Variants in PCDHA5 observed in about 807,000 individuals in gnomAD.
PCDHA5 encodes the protein protocadherin alpha-5.
In PCDHA5, 43 loss-of-function variants were observed where a neutral mutation model predicts 61.6. The observed-to-expected ratio is 0.70, with a 90% CI of 0.55 to 0.90. The LOEUF (loss-of-function observed/expected upper bound fraction) is 0.90, where lower values mean the gene tolerates loss of function less well. Among genes scored for constraint, PCDHA5 ranks in the 40% least tolerant of loss-of-function variants. The pLI, the probability that PCDHA5 is intolerant of heterozygous loss-of-function variation, is 0.00. For missense variants in PCDHA5, 1,298 were observed against 1,222.7 expected, an observed-to-expected ratio of 1.06 and a Z score of -0.92; for synonymous variants, 627 against 543.9, an observed-to-expected ratio of 1.15 and a Z score of -2.13.
At position 140,823,985 on chromosome 5, in the gene PCDHA5, C is replaced by T; in HGVS notation, c.2210C>T (p.Thr737Ile). The T allele has an allele frequency of 6.2e-7, 1 of 1,614,170 alleles. No individual in the cohort carries two copies. Among genetic ancestry groups the T allele is most frequent in the Non-Finnish European group, 8.5e-7 (1 of 1,180,006 alleles). The change falls in exon 1 of 4, where the codon ACT becomes ATT. Residue 737 changes from threonine to isoleucine, a missense_variant. Transcript: ENST00000529859. ...GCCGTGTGCACACGGGGCAAGCCCA[C>T]TCTGTTGTGCTCCAGCGCGGTGGGG... ...TEAVCTRGKPTLLCSSAVGSW... is the reference protein window; with the variant it reads ...TEAVCTRGKPILLCSSAVGSW...
At chr5:140,860,434 C>A (rs1562553401) in intron 1 of PCDHA5, 1 of 152,038 alleles carries the variant, frequency 6.6e-6, no homozygotes, top group Non-Finnish European at 1.5e-5. Context: ...CAAATATGAT[C>A]TTTTTCATAT....
intron 3 of PCDHA5, among the ~76,000 whole-genome samples, chr5:141,001,711 A>G (rs1167965864): frequency 1.3e-5 from 2 of 152,222 alleles, no homozygotes; most frequent in South Asian, 2.1e-4. Context: ...GGGGGCGGGG[A>G]AGGAGCTTGA....
At chr5:140,884,385 C>A (rs1554181508) in intron 1 of PCDHA5, 1 of 1,613,992 alleles carries the variant, frequency 6.2e-7, no homozygotes, top group Non-Finnish European at 8.5e-7. Context: ...GCCATCTGCG[C>A]GGTGTCCAGC....
intron 1 of PCDHA5, among the ~76,000 whole-genome samples, chr5:140,937,688 G>A (rs112584533): frequency 0.018 from 2,711 of 151,860 alleles, 77 homozygotes; most frequent in African/African-American, 0.063. Context: ...TGAGGCAGGC[G>A]GATCACGAGG....
intron 3 of PCDHA5, among the ~76,000 whole-genome samples, chr5:140,991,246 AT>A (rs1239917412): frequency 6.6e-6 from 1 of 152,206 alleles, no homozygotes; most frequent in African/African-American, 2.4e-5. Context: ...TAAAGGCAGT[AT>A]TTGAACTCAT....
In PCDHA5 at chr5:140,857,966, G is replaced by C. The variant is rs1212933789; in HGVS notation, c.2352+33839G>C. 1.9e-6 allele frequency: 3 copies of C among 1,596,950 alleles called. No individual in the cohort carries two copies. The highest frequency in any genetic ancestry group is 1.1e-5 in the South Asian group (1 of 90,498). ...TACGACGCGCGCTCTGGATGAGACT[G>C]ACTCGCCACGCCAGCGCCTACTGGT... is the stretch of plus-strand genomic sequence containing the variant. On this transcript the variant is annotated intron_variant, in intron 1 of 3. Transcript: ENST00000529859.
chr5:140,850,297 C>G, intron 1 of PCDHA5: 2 of 1,596,438 alleles, frequency 1.3e-6, no homozygotes, highest in Non-Finnish European at 1.7e-6. Flanking sequence ...GACGCCGACT[C>G]GGGCTACAAC....
Position 140,822,125 on chromosome 5 carries a change from A to T in PCDHA5, c.350A>T (p.His117Leu). ...VIVDRPLQVF[H>L]VEVAVKDIND... ...GTGGACAGGCCGCTGCAGGTTTTCCATGTGGAGGTGGCAGTGAAGGACATC... is the reference window on the plus strand; with the variant it reads ...GTGGACAGGCCGCTGCAGGTTTTCCTTGTGGAGGTGGCAGTGAAGGACATC... Residue 117 changes from histidine to leucine, a missense_variant, in exon 1 of 4, where the codon CAT (histidine) becomes CTT (leucine). His to Leu is a moderately conservative substitution (Grantham distance 99). Transcript: ENST00000529859. 1 of 1,614,236 alleles carries T rather than the reference A, an allele frequency of 6.2e-7. No homozygotes were observed. The highest frequency in any genetic ancestry group is 8.5e-7 in the Non-Finnish European group (1 of 1,180,038).
At chr5:140,855,165 T>C (rs1172731300) in intron 1 of PCDHA5, among the ~76,000 whole-genome samples, 1 of 149,930 alleles carries the variant, frequency 6.7e-6, no homozygotes, top group Non-Finnish European at 1.5e-5. Context: ...TTGAGCCTCA[T>C]GAAAACAAAT....
chr5:140,831,953 T>G (rs1771773742), intron 1 of PCDHA5, among the ~76,000 whole-genome samples: 3 of 152,194 alleles, frequency 2.0e-5, no homozygotes, highest in Admixed American at 2.0e-4. Context: ...AAAGAAAAAC[T>G]TTATGTCATT....
At chr5:140,910,479 A>G (rs2075041093) in intron 1 of PCDHA5, among the ~76,000 whole-genome samples, 1 of 152,212 alleles carries the variant, frequency 6.6e-6, no homozygotes. Context: ...AAAATCTGGC[A>G]TACAGAGAAG....
At chr5:140,889,910 T>C (rs1554184095) in intron 1 of PCDHA5, among the ~76,000 whole-genome samples, 1 of 152,156 alleles carries the variant, frequency 6.6e-6, no homozygotes, top group East Asian at 1.9e-4. Flanking sequence ...GAGATTGTCA[T>C]ACTGTAAAGA....
chr5:140,869,903 C>G, intron 1 of PCDHA5: 1 of 1,610,648 alleles, frequency 6.2e-7, no homozygotes. Flanking sequence ...CTAAACGCCA[C>G]AGACCGAGAC....
intron 1 of PCDHA5, chr5:140,853,722 A>C (rs1236467209): frequency 2.0e-6 from 2 of 988,342 alleles, no homozygotes; most frequent in African/African-American, 1.8e-5. Flanking sequence ...GCAGCACCTA[A>C]GTCCTCATTG....
At position 140,841,125 on chromosome 5, in the gene PCDHA5, C is replaced by T. The variant is rs2150311446; in HGVS notation, c.2352+16998C>T. 38 of 651,618 alleles carry T rather than the reference C, an allele frequency of 5.8e-5. No individual in the cohort carries two copies. In the African/African-American group the frequency reaches 6.2e-4, roughly 11 times the overall value. 40.4% of individuals were successfully genotyped at this position (651,618 alleles called of 1,614,324 possible). A position where few individuals can be genotyped will look rare whatever the true frequency, so the allele number is the denominator to read the frequency against. ...GCGGAAGTAATTCATGTAATCATTACCTTTTGAAGCCACATGATGTCGCTG... is the reference window on the plus strand; with the variant it reads ...GCGGAAGTAATTCATGTAATCATTATCTTTTGAAGCCACATGATGTCGCTG... On this transcript the variant is annotated intron_variant, in intron 1 of 3. Transcript: ENST00000529859.
intron 1 of PCDHA5, chr5:140,877,829 C>T (rs1554170159): frequency 1.9e-6 from 3 of 1,594,494 alleles, no homozygotes; most frequent in Non-Finnish European, 2.6e-6. Context: ...TGTTTAAATC[C>T]TCCCAGTGAA....
At chr5:140,835,891 C>G in intron 1 of PCDHA5, 1 of 1,611,968 alleles carries the variant, frequency 6.2e-7, no homozygotes, top group African/African-American at 1.3e-5. Flanking sequence ...GGCGAGCGCG[C>G]GCTGTCGAGC....
Position 140,843,712 on chromosome 5 carries a change from C to G in PCDHA5, c.2352+19585C>G. ...AAGATTTAAATGTTGATCATGGCCT[C>G]AAAGTAAGTCCATTTAAATTTAGAA... On this transcript the variant is annotated intron_variant, in intron 1 of 3. Transcript: ENST00000529859. 3.2e-6 allele frequency: 5 copies of G among 1,569,886 alleles called. 1 individual carries two copies. Among genetic ancestry groups the G allele is most frequent in the Non-Finnish European group, 4.4e-6 (5 of 1,144,038 alleles).
intron 1 of PCDHA5, chr5:140,927,933 C>T (rs1273187123): frequency 1.9e-6 from 3 of 1,614,090 alleles, no homozygotes; most frequent in African/African-American, 2.7e-5. Context: ...CTCTTTCGAA[C>T]CCAGTACCTG....
Sources: allele counts gnomAD v4.1 joint callset (sites outside exome capture counted in the v4.1 genomes callset), GRCh38; gene constraint gnomAD v4.1.1; transcripts MANE v1.5; gene names NCBI Gene and HGNC (gene_info 2026-07-23, HGNC 2026-07-21).